Variants in SASH1 observed in about 807,000 individuals in gnomAD.
SASH1 encodes the protein SAM and SH3 domain-containing protein 1.
A neutral mutation model predicts 125.2 loss-of-function variants in SASH1; 44 were observed. The observed-to-expected ratio is 0.35, with a 90% CI of 0.28 to 0.45. The LOEUF (loss-of-function observed/expected upper bound fraction) is 0.45. SASH1 is among the 20% of genes least tolerant of loss of function. SASH1 has a pLI of 1.00. For synonymous variants in SASH1, 639 were observed against 649.1 expected, an observed-to-expected ratio of 0.98 and a Z score of 0.24; for missense variants, 1,426 against 1,614.5, an observed-to-expected ratio of 0.88 and a Z score of 2.00.
the SASH1 span, among the ~76,000 whole-genome samples, chr6:148,208,327 A>G: frequency 6.6e-6 from 1 of 152,184 alleles, no homozygotes; most frequent in Non-Finnish European, 1.5e-5. Flanking sequence ...ATAAAAAGAG[A>G]TGCATAGGAC....
intron 1 of SASH1, among the ~76,000 whole-genome samples, chr6:148,377,460 T>C (rs1347801034): frequency 1.3e-5 from 2 of 152,244 alleles, no homozygotes; most frequent in African/African-American, 4.8e-5. Context: ...TTCCATTTAT[T>C]CCTTTTGGTG....
At chr6:148,302,222 G>A (rs1328003567) in intron 1 of SASH1, among the ~76,000 whole-genome samples, 1 of 142,390 alleles carries the variant, frequency 7.0e-6, no homozygotes, top group Non-Finnish European at 1.5e-5. Context: ...GGCAGCAGGA[G>A]AATGGCGTGA....
At chr6:148,371,768 CCTCCCCGTGACCCAGGAGGATGGTGA>C (rs1273150510) in intron 1 of SASH1, among the ~76,000 whole-genome samples, 1 of 152,134 alleles carries the variant, frequency 6.6e-6, no homozygotes, top group East Asian at 1.9e-4. Context: ...CATGCACCTG[CCTCCCCGTGACCCAGGAGGATGGTGA>C]AGTACCTGCC....
rs905867393 is a variant in SASH1, at chr6:148,495,124, T to C, written c.729+7409T>C. Among the ~76,000 whole-genome samples the C allele has an allele frequency of 6.6e-6, 1 of 152,194 alleles. No individual in the cohort carries two copies. Among genetic ancestry groups the C allele is most frequent in the Non-Finnish European group, 1.5e-5 (1 of 68,022 alleles). ...CGAAATAGAACATTCTGAAAGATAATTTGCTAATAACAATTCTGGTATGTG... is the reference window on the plus strand; with the variant it reads ...CGAAATAGAACATTCTGAAAGATAACTTGCTAATAACAATTCTGGTATGTG... On this transcript the variant is annotated intron_variant, in intron 8 of 19. Coordinates refer to ENST00000367467, the MANE Select transcript of SASH1 (RefSeq NM_015278.5). This position sits in a 1 kb window ranked among gnomAD's most constrained non-coding sequence, Gnocchi z 4.0.
At chr6:148,535,771 T>G (rs550647995) in intron 16 of SASH1, among the ~76,000 whole-genome samples, 34 of 152,334 alleles carry the variant, frequency 2.2e-4, no homozygotes, top group African/African-American at 8.2e-4. Context: ...AGGAGTATCC[T>G]TTCCAGTTAC....
At chr6:148,509,110 G>T (rs990686759) in intron 8 of SASH1, among the ~76,000 whole-genome samples, 1 of 152,132 alleles carries the variant, frequency 6.6e-6, no homozygotes, top group Non-Finnish European at 1.5e-5. Flanking sequence ...ATTGTTTTGA[G>T]AATTTGAGAC....
At chr6:148,477,669 G>A (rs1778425292) in intron 7 of SASH1, among the ~76,000 whole-genome samples, 1 of 151,344 alleles carries the variant, frequency 6.6e-6, no homozygotes, top group East Asian at 1.9e-4. Context: ...GGGATCACAG[G>A]TGCCTGCCAC....
At chr6:148,502,076 C>T (rs1779579834) in intron 8 of SASH1, among the ~76,000 whole-genome samples, 1 of 152,180 alleles carries the variant, frequency 6.6e-6, no homozygotes, top group African/African-American at 2.4e-5. Flanking sequence ...CATACTTTTT[C>T]CAAATAAAAC....
rs769274368 is a variant in SASH1 at position 148,533,998 on chromosome 6, C to G, written c.1944+18C>G. ...ACCTAAAAGTCAGTCGCTTCTGATT[C>G]TTGTCACACGCTACTACCTCACTGC... On this transcript the variant is annotated intron_variant, in intron 15 of 19. Transcript: ENST00000367467. The surrounding 1 kb of genome is among the most constrained non-coding windows in gnomAD (Gnocchi z 6.2). The G allele has an allele frequency of 6.2e-7, 1 of 1,608,996 alleles. No individual in the cohort carries two copies. Among genetic ancestry groups the G allele is most frequent in the Non-Finnish European group, 8.5e-7 (1 of 1,175,556 alleles).
chr6:148,499,458 A>G (rs1360329252), intron 8 of SASH1, among the ~76,000 whole-genome samples: 1 of 152,218 alleles, frequency 6.6e-6, no homozygotes, highest in Admixed American at 6.5e-5. Flanking sequence ...ATTTATGTGC[A>G]AGCATTTATT....
intron 1 of SASH1, among the ~76,000 whole-genome samples, chr6:148,316,642 G>A (rs1780486572): frequency 6.6e-6 from 1 of 152,232 alleles, no homozygotes; most frequent in Admixed American, 6.5e-5. Flanking sequence ...GGCACTGAAA[G>A]TTAGACATTT....
At chr6:148,297,922 G>A (rs1235037221) in intron 1 of SASH1, among the ~76,000 whole-genome samples, 6 of 152,060 alleles carry the variant, frequency 3.9e-5, no homozygotes, top group Non-Finnish European at 7.4e-5. Context: ...ATTAGTACAT[G>A]GCTATAATTT....
chr6:148,461,629 C>T (rs1190706890), intron 4 of SASH1, among the ~76,000 whole-genome samples: 1 of 152,244 alleles, frequency 6.6e-6, no homozygotes, highest in East Asian at 1.9e-4. Context: ...AAGAGGTGAC[C>T]TCTTACAACT....
chr6:148,370,463 A>C (rs1008805399), intron 1 of SASH1, among the ~76,000 whole-genome samples: 3 of 152,150 alleles, frequency 2.0e-5, no homozygotes, highest in Admixed American at 6.5e-5. Flanking sequence ...GTCTCTTAAC[A>C]GTGCCATCTT....
intron 16 of SASH1, among the ~76,000 whole-genome samples, chr6:148,537,774 TTCTGTG>T (rs1262853705): frequency 9.0e-5 from 10 of 110,740 alleles, no homozygotes; most frequent in South Asian, 6.6e-4. Context: ...TCTTAGCATA[TTCTGTG>T]TGTGTGTGTG....
In SASH1 at chr6:148,527,571, A is replaced by G. The variant is rs765511417; in HGVS notation, c.1403A>G (p.Lys468Arg). Reference protein sequence around the residue: ...KETMRKRMSKKYSSSVSEQDS... With the variant: ...KETMRKRMSKRYSSSVSEQDS... ...ACGATGAGAAAGAGAATGTCTAAAA[A>G]ATACAGCAGCTCTGTCTCTGAGCAG... The change falls in exon 12 of 20, where the codon AAA (lysine) becomes AGA (arginine). Residue 468 changes from lysine to arginine, a missense_variant. This residue lies in a region of SASH1 where 225 missense variants were observed against 344.5 expected (regional missense o/e 0.65). Transcript: ENST00000367467. 6.2e-7 allele frequency: 1 copy of G among 1,610,838 alleles called. No individual in the cohort carries two copies. Among genetic ancestry groups the G allele is most frequent in the Non-Finnish European group, 8.5e-7 (1 of 1,179,224 alleles).
At position 148,443,726 on chromosome 6, in the gene SASH1, A is replaced by G. The variant is rs529246392; in HGVS notation, c.386+3319A>G. Among the ~76,000 whole-genome samples the G allele has an allele frequency of 3.9e-5, 6 of 152,174 alleles. No homozygotes were observed. The East Asian group carries it at 1.2e-3, about 29-fold the overall frequency. On this transcript the variant is annotated intron_variant, in intron 4 of 19. Coordinates refer to ENST00000367467, the MANE Select transcript of SASH1 (RefSeq NM_015278.5). ...GTGTTTAAATTTCATTTGCTTTTAA[A>G]GATGTATCACCCTGAAAATCCTAAG...
rs17643290 is a variant in SASH1 at position 148,548,234 on chromosome 6, G to A, written c.3481-61G>A. The stretch of plus-strand genomic sequence containing the variant: ...TCAGTGCTGTTCCTTTTAGACATAC[G>A]CGAAGTAGTCCTCGATGACACATGG... On this transcript the variant is annotated intron_variant, in intron 19 of 19. Transcript: ENST00000367467. 257,369 of 1,473,054 alleles carry A rather than the reference G, an allele frequency of 0.17. 25,065 individuals are homozygous for A. The highest frequency in any genetic ancestry group is 0.2 in the Non-Finnish European group (221,114 of 1,082,218). The allele number at this position is 1,473,054 out of a possible 1,614,324, so 91.2% of individuals were successfully genotyped here. A position where few individuals can be genotyped will look rare whatever the true frequency, so the allele number is the denominator to read the frequency against.
In SASH1 at chr6:148,512,579, T is replaced by C. The variant is rs144733239; in HGVS notation, c.730-1745T>C. The C allele has an allele frequency of 1.0e-4, 100 of 985,260 alleles. No homozygotes were observed. The African/African-American group carries it at 1.7e-3, about 17-fold the overall frequency. 61.0% of individuals were successfully genotyped at this position (985,260 alleles called of 1,614,324 possible). On this transcript the variant is annotated intron_variant, in intron 8 of 19. Coordinates refer to ENST00000367467, the MANE Select transcript of SASH1 (RefSeq NM_015278.5). ...CAATCCAACCAAGTAGAAATGAAAC[T>C]CAAACCAGACAAAACCATTTTGTAT...
Sources: allele counts gnomAD v4.1 joint callset (sites outside exome capture counted in the v4.1 genomes callset), GRCh38; gene constraint gnomAD v4.1.1; regional missense constraint gnomAD v4.1.1; non-coding constraint Gnocchi (gnomAD v3.1); transcripts MANE v1.5; gene names NCBI Gene and HGNC (gene_info 2026-07-23, HGNC 2026-07-21).